The following ZSCAN5B variants were observed in gnomAD, a reference collection of about 807,000 sequenced individuals.
The protein encoded by ZSCAN5B is zinc finger and SCAN domain containing 5B.
ZSCAN5B carries 26 observed loss-of-function variants against 25.2 expected under a neutral mutation model. The ratio of observed to expected loss-of-function variants is 1.03; its 90% confidence interval spans 0.76 to 1.43. The LOEUF is 1.43. Ranked by LOEUF, ZSCAN5B falls within the 40% of genes most tolerant of loss-of-function variation. ZSCAN5B has a pLI of 0.00. For missense variants in ZSCAN5B, 745 were observed against 622.1 expected (o/e 1.20, Z -2.10); for synonymous variants, 244 against 240.9 (o/e 1.01, Z -0.12).
exon 3 of ZSCAN5B, chr19:56,191,928 G>T (rs1379225184): frequency 6.2e-7 from 1 of 1,613,998 alleles, no homozygotes; most frequent in Non-Finnish European, 8.5e-7. Context: ...GATGCATCTG[G>T]TTCACAGAGG....
chr19:56,191,750 C>A (rs2032737054), intron 3 of ZSCAN5B, 100 bp downstream of exon 3: 3 of 1,253,664 alleles, frequency 2.4e-6, no homozygotes, highest in African/African-American at 3.0e-5. Context: ...TGGCTCTAAT[C>A]TTGTCCTGTG....
chr19:56,195,089 G>A (rs935449812), intron 1 of ZSCAN5B, among the ~76,000 whole-genome samples: 19 of 152,144 alleles, frequency 1.2e-4, no homozygotes, highest in African/African-American at 4.6e-4. Context: ...ACTGGCAGGA[G>A]GGTCTCAGGA....
rs528776961 is a variant in ZSCAN5B, at chr19:56,192,994, G to C, written c.59C>G (p.Ser20Ter). Residue 20 changes from serine to a stop codon, truncating the protein, a stop_gained, in exon 2 of 5, where the codon TCA becomes TGA. Coordinates refer to ENST00000586855, the Ensembl canonical transcript of ZSCAN5B. LOFTEE classifies it high-confidence loss of function. ...GGACGCCACAGACCGTGGAGTGTCT[G>C]ACCCAGGGCTGTTGCAGGGTCCTCC... The C allele has an allele frequency of 1.9e-6, 3 of 1,605,016 alleles. No homozygotes were observed. The African/African-American group carries it at 4.0e-5, about 21-fold the overall frequency.
intron 3 of ZSCAN5B, among the ~76,000 whole-genome samples, chr19:56,191,542 C>T (rs16987058): frequency 0.037 from 5,564 of 152,188 alleles, 107 homozygotes; most frequent in African/African-American, 0.05. Flanking sequence ...AATGTCTTTG[C>T]GGAAACTGGA....
chr19:56,193,759 G>A (rs372044523), intron 1 of ZSCAN5B, among the ~76,000 whole-genome samples: 32 of 152,118 alleles, frequency 2.1e-4, no homozygotes, highest in Admixed American at 1.0e-3. Context: ...TCAGGAGATC[G>A]AGACCATCCT....
intron 1 of ZSCAN5B, among the ~76,000 whole-genome samples, chr19:56,195,658 C>T (rs1599941580): frequency 1.3e-5 from 2 of 152,042 alleles, no homozygotes; most frequent in East Asian, 1.9e-4. Context: ...GAAATCAGGA[C>T]GTGGACTCCA....
chr19:56,194,060 C>T (rs1355022952), intron 1 of ZSCAN5B, among the ~76,000 whole-genome samples: 2 of 151,942 alleles, frequency 1.3e-5, no homozygotes, highest in African/African-American at 4.8e-5. Flanking sequence ...TTACTAAGAA[C>T]ATGCGCTATG....
rs73617565 is a variant in ZSCAN5B, at chr19:56,191,920, T to C, written c.518A>G (p.His173Arg). 8,383 of 1,614,016 alleles carry C rather than the reference T, an allele frequency of 5.2e-3. 371 individuals carry two copies. The African/African-American group carries it at 0.094, about 18-fold the overall frequency. Reference sequence around the variant, plus strand: ...TCGGCGGGCCTGGCCTGTCCCCGGATGCATCTGGTTCACAGAGGAGGCCCA... The same window carrying C: ...TCGGCGGGCCTGGCCTGTCCCCGGACGCATCTGGTTCACAGAGGAGGCCCA... Residue 173 changes from histidine to arginine, a missense_variant, in exon 3 of 5, where the codon CAT becomes CGT. Coordinates refer to ENST00000586855, the Ensembl canonical transcript of ZSCAN5B.
chr19:56,196,261 A>G (rs1364578928), intron 1 of ZSCAN5B, among the ~76,000 whole-genome samples: 2 of 152,096 alleles, frequency 1.3e-5, no homozygotes, highest in African/African-American at 4.8e-5. Flanking sequence ...CATGTAGGCC[A>G]GGCTGGTCTC....
intron 1 of ZSCAN5B, among the ~76,000 whole-genome samples, chr19:56,195,659 G>A (rs1412014678): frequency 5.3e-5 from 8 of 152,024 alleles, no homozygotes; most frequent in Non-Finnish European, 1.2e-4. Context: ...AAATCAGGAC[G>A]TGGACTCCAA....
chr19:56,193,030 G>A (rs61745809), exon 2 of ZSCAN5B: 60,767 of 1,574,690 alleles, frequency 0.039, 2,822 homozygotes, highest in East Asian at 0.24. Context: ...CTGACCCCAT[G>A]AGAGTGTCCA....
chr19:56,190,611 C>T (rs745374891), intron 4 of ZSCAN5B, 36 bp from the exon 5 acceptor site: 3 of 1,594,956 alleles, frequency 1.9e-6, no homozygotes, highest in African/African-American at 1.4e-5. Context: ...CAACAGTTAA[C>T]AAAGCCGATT....
In ZSCAN5B at chr19:56,192,828, G is replaced by A. The variant is rs577802953; in HGVS notation, c.225C>T (p.Pro75=). 83 of 1,612,934 alleles carry A rather than the reference G, an allele frequency of 5.1e-5. No homozygotes were observed. In the African/African-American group the frequency reaches 7.1e-4, roughly 14 times the overall value. Residue 75 remains proline (P), a synonymous_variant, in exon 2 of 5, where the codon CCC becomes CCT. Coordinates refer to ENST00000586855, the Ensembl canonical transcript of ZSCAN5B. ...GGATCTGCTCTTTGGTGTGGAGGTC[G>A]GGCCTCAGCCACAGATGGCACAGCT...
chr19:56,191,298 T>C (rs925584355), intron 3 of ZSCAN5B, among the ~76,000 whole-genome samples: 3 of 152,132 alleles, frequency 2.0e-5, no homozygotes, highest in Non-Finnish European at 4.4e-5. Flanking sequence ...CTGGCACCAT[T>C]GGCATTGGGG....
Position 56,190,507 on chromosome 19 carries a change from T to C in ZSCAN5B, c.808A>G (p.Thr270Ala), listed in dbSNP as rs746479299. ...CTCTCCACAACGCAGGCAGAAGGTG[T>C]GTCAGCATCCACATTTTCCACAGAG... is the stretch of plus-strand genomic sequence containing the variant. The change falls in exon 5 of 5, where the codon ACA (threonine) becomes GCA (alanine). Residue 270 changes from threonine to alanine, a missense_variant. Thr to Ala is a moderately conservative substitution (Grantham distance 58). Coordinates refer to ENST00000586855, the Ensembl canonical transcript of ZSCAN5B. 23 of 1,613,954 alleles carry C rather than the reference T, an allele frequency of 1.4e-5. No homozygotes were observed. The highest frequency in any genetic ancestry group is 1.9e-5 in the Non-Finnish European group (23 of 1,179,898).
chr19:56,191,947 T>G (rs2032741409), exon 3 of ZSCAN5B: 1 of 1,613,898 alleles, frequency 6.2e-7, no homozygotes, highest in African/African-American at 1.3e-5. Context: ...GGAGGCCCAC[T>G]GGCTGGACAC....
chr19:56,189,846 C>A (rs370837981), exon 5 of ZSCAN5B: 1 of 1,608,962 alleles, frequency 6.2e-7, no homozygotes, highest in African/African-American at 1.3e-5. Flanking sequence ...GGTGGTTTCC[C>A]GGTGTGTTTT....
At chr19:56,191,913 C>T (rs376013075) in exon 3 of ZSCAN5B, 2 of 1,614,002 alleles carry the variant, frequency 1.2e-6, no homozygotes, top group African/African-American at 2.7e-5. Context: ...CCTGGCCTGT[C>T]CCCGGATGCA....
At chr19:56,189,699 T>C in exon 5 of ZSCAN5B, 2 of 1,158,900 alleles carry the variant, frequency 1.7e-6, no homozygotes, top group Non-Finnish European at 2.4e-6. Flanking sequence ...TGGGGGAGGA[T>C]AAATATTTAT....
Sources: allele counts gnomAD v4.1 joint callset (sites outside exome capture counted in the v4.1 genomes callset), GRCh38; gene constraint gnomAD v4.1.1; transcripts MANE v1.5; gene names NCBI Gene and HGNC (gene_info 2026-07-23, HGNC 2026-07-21).